CTIF: variants seen among roughly 807,000 people sequenced by gnomAD.
CTIF encodes the protein cap binding complex dependent translation initiation factor, also known as CBP80/20-dependent translation initiation factor.
A neutral mutation model predicts 66.0 loss-of-function variants in CTIF; 21 were observed. The observed-to-expected ratio is 0.32, with a 90% CI of 0.23 to 0.46. The LOEUF (loss-of-function observed/expected upper bound fraction) is 0.46, where lower values mean the gene tolerates loss of function less well. Ranked by LOEUF, CTIF falls within the 20% of genes least tolerant of loss-of-function variation. CTIF has a pLI of 1.00. For synonymous variants in CTIF, 345 were observed against 326.4 expected (o/e 1.06, Z -0.62); for missense variants, 739 against 812.7 (o/e 0.91, Z 1.10).
intron 10 of CTIF, among the ~76,000 whole-genome samples, chr18:48,846,480 T>C (rs1351974793): frequency 2.6e-5 from 4 of 151,508 alleles, no homozygotes; most frequent in Non-Finnish European, 5.9e-5. Flanking sequence ...GATGGGTAGA[T>C]AGATGGATGA....
At chr18:48,568,198 G>A (rs551904558) in intron 1 of CTIF, 9 of 152,194 alleles carry the variant, frequency 5.9e-5, no homozygotes, top group African/African-American at 1.9e-4. Context: ...TCTCACATTG[G>A]CTTCCTGTAC....
At chr18:48,818,545 G>A (rs187223827) in intron 10 of CTIF, among the ~76,000 whole-genome samples, 392 of 152,314 alleles carry the variant, frequency 2.6e-3, no homozygotes, top group African/African-American at 9.1e-3. Flanking sequence ...AGATCCTGAA[G>A]AGGTCACGCA....
intron 6 of CTIF, among the ~76,000 whole-genome samples, chr18:48,679,715 A>G (rs1247995465): frequency 6.6e-6 from 1 of 152,154 alleles, no homozygotes; most frequent in Non-Finnish European, 1.5e-5. Flanking sequence ...TATTCTGGAT[A>G]AATCAGACCA....
At chr18:48,705,975 C>T (rs902947302) in intron 6 of CTIF, among the ~76,000 whole-genome samples, 1 of 152,208 alleles carries the variant, frequency 6.6e-6, no homozygotes, top group Non-Finnish European at 1.5e-5. Context: ...GGGACAGAGT[C>T]TTATTCTCCT....
At chr18:48,852,176 G>C (rs937095574) in intron 10 of CTIF, among the ~76,000 whole-genome samples, 1 of 134,236 alleles carries the variant, frequency 7.4e-6, no homozygotes, top group Non-Finnish European at 1.5e-5. Flanking sequence ...TGAGGCTATA[G>C]TGAGCTATGA....
intron 2 of CTIF, among the ~76,000 whole-genome samples, chr18:48,626,111 C>G (rs1267096406): frequency 1.3e-5 from 2 of 149,186 alleles, no homozygotes; most frequent in Middle Eastern, 3.4e-3. Flanking sequence ...TCAAGCAACT[C>G]TCCTGTCAGC....
chr18:48,581,621 C>A (rs1259918415), intron 1 of CTIF, among the ~76,000 whole-genome samples: 1 of 152,176 alleles, frequency 6.6e-6, no homozygotes, highest in African/African-American at 2.4e-5. Flanking sequence ...AGGGTCCCCC[C>A]ACCCCTGTCC....
At chr18:48,618,347 T>G (rs2090434128) in intron 1 of CTIF, among the ~76,000 whole-genome samples, 1 of 152,240 alleles carries the variant, frequency 6.6e-6, no homozygotes, top group African/African-American at 2.4e-5. Flanking sequence ...TGTGCAGGAT[T>G]CATGTCTTCT....
At chr18:48,730,235 AG>A (rs746607148) in intron 7 of CTIF, among the ~76,000 whole-genome samples, 35 of 148,618 alleles carry the variant, frequency 2.4e-4, no homozygotes, top group African/African-American at 5.1e-4. Flanking sequence ...CCGAAGTGTG[AG>A]GGGCCTCCGC....
intron 9 of CTIF, among the ~76,000 whole-genome samples, chr18:48,786,809 G>T (rs56200352): frequency 6.6e-6 from 1 of 151,330 alleles, no homozygotes; most frequent in Non-Finnish European, 1.5e-5. Context: ...CAGCCCAGGG[G>T]TCCTTCCTCC....
intron 10 of CTIF, among the ~76,000 whole-genome samples, chr18:48,846,493 GGATA>G (rs74174727): frequency 0.12 from 15,905 of 136,774 alleles, 2,624 homozygotes; most frequent in African/African-American, 0.39. Context: ...ATGGATGAAA[GGATA>G]GATGGATGGA....
At chr18:48,851,449 C>T (rs2069198465) in intron 10 of CTIF, among the ~76,000 whole-genome samples, 2 of 152,212 alleles carry the variant, frequency 1.3e-5, no homozygotes, top group East Asian at 1.9e-4. Context: ...GAGGCTTCCA[C>T]GCAGCCCTGT....
At position 48,761,103 on chromosome 18, in the gene CTIF, G is replaced by T; in HGVS notation, c.1072-287G>T. On this transcript the variant is annotated intron_variant, in intron 8 of 11. Transcript: ENST00000256413. The surrounding 1 kb of genome is among the most constrained non-coding windows in gnomAD (Gnocchi z 4.2). ...TCTTTTCTAGATTAAGATATTTGAT[G>T]GACAAATAAACAAAAAAAGCCAATG... is the stretch of plus-strand genomic sequence containing the variant. The T allele has an allele frequency of 3.2e-6, 1 of 316,026 alleles. No homozygotes were observed. The highest frequency in any genetic ancestry group is 5.3e-5 in the East Asian group (1 of 18,926). The allele number at this position is 316,026 out of a possible 1,614,324, so 19.6% of individuals were successfully genotyped here. A position where few individuals can be genotyped will look rare whatever the true frequency, so the allele number is the denominator to read the frequency against.
chr18:48,543,985 C>CTACA (rs1335736173), intron 1 of CTIF, among the ~76,000 whole-genome samples: 2 of 152,080 alleles, frequency 1.3e-5, no homozygotes, highest in Non-Finnish European at 2.9e-5. Context: ...TCTTGGTGTC[C>CTACA]TACAGTGCTC....
At chr18:48,854,105 G>A (rs1330053965) in intron 10 of CTIF, among the ~76,000 whole-genome samples, 1 of 152,162 alleles carries the variant, frequency 6.6e-6, no homozygotes, top group Non-Finnish European at 1.5e-5. Context: ...GCTTTGCTTG[G>A]GGTTAAAGGG....
At chr18:48,665,858 G>A (rs2091427581) in intron 5 of CTIF, among the ~76,000 whole-genome samples, 1 of 152,126 alleles carries the variant, frequency 6.6e-6, no homozygotes, top group Admixed American at 6.5e-5. Flanking sequence ...ACCACAATTT[G>A]TTTACCCATG....
chr18:48,595,756 G>A (rs1457925864), intron 1 of CTIF, among the ~76,000 whole-genome samples: 1 of 152,200 alleles, frequency 6.6e-6, no homozygotes, highest in Non-Finnish European at 1.5e-5. Flanking sequence ...AAGAATTGGA[G>A]CTCTGCTTAG....
chr18:48,853,309 G>A (rs1480803759), intron 10 of CTIF, among the ~76,000 whole-genome samples: 2 of 152,126 alleles, frequency 1.3e-5, no homozygotes, highest in African/African-American at 4.8e-5. Flanking sequence ...CTCAGGGAAG[G>A]CCTGTCTGCC....
At chr18:48,667,595 C>G (rs113180207) in intron 5 of CTIF, among the ~76,000 whole-genome samples, 3 of 152,314 alleles carry the variant, frequency 2.0e-5, no homozygotes, top group African/African-American at 7.2e-5. Context: ...AACTAACTTC[C>G]TAGCAAAAAA....
Sources: gnomAD v4.1 joint callset for allele counts (sites outside exome capture counted in the v4.1 genomes callset) on GRCh38, gnomAD v4.1.1 for gene constraint, Gnocchi (gnomAD v3.1) non-coding constraint, MANE v1.5 for transcripts, NCBI Gene and HGNC (gene_info 2026-07-23, HGNC 2026-07-21) for gene names.